Variants in MORC2 observed in about 807,000 individuals in gnomAD.
The protein encoded by MORC2 is MORC family CW-type zinc finger 2.
MORC2 carries 30 observed loss-of-function variants against 136.0 expected under a neutral mutation model. The observed-to-expected ratio is 0.22, with a 90% CI of 0.17 to 0.30. The LOEUF (loss-of-function observed/expected upper bound fraction) is 0.30, where lower values mean the gene tolerates loss of function less well. MORC2 is among the 10% of genes least tolerant of loss of function. The pLI, the probability that MORC2 is intolerant of heterozygous loss-of-function variation, is 1.00. For missense variants in MORC2, 922 were observed against 1,333.1 expected (o/e 0.69, Z 4.80); for synonymous variants, 439 against 487.0 (o/e 0.90, Z 1.30).
rs1237087672 is a variant in MORC2 at position 30,937,245 on chromosome 22, C to G, written c.1499-208G>C. On this transcript the variant is annotated intron_variant, in intron 15 of 25. Coordinates refer to ENST00000397641, the MANE Select transcript of MORC2 (RefSeq NM_001303256.3). The surrounding 1 kb of genome is among the most constrained non-coding windows in gnomAD (Gnocchi z 4.7). ...GGATGGAAACTTAATATGCTGGACT[C>G]TTAACACCCCCAGCCCCTCTCCCTT... 6.6e-6 allele frequency among the ~76,000 whole-genome samples: 1 copy of G among 152,176 alleles called. No homozygotes were observed. The highest frequency in any genetic ancestry group is 1.5e-5 in the Non-Finnish European group (1 of 68,038).
At chr22:30,960,167 A>G (rs896500141) in intron 1 of MORC2, among the ~76,000 whole-genome samples, 5 of 152,138 alleles carry the variant, frequency 3.3e-5, no homozygotes, top group Non-Finnish European at 5.9e-5. Context: ...AGGTTTCACC[A>G]TGTTGGCCAG....
At chr22:30,963,359 A>G in intron 1 of MORC2, 1 of 976,734 alleles carries the variant, frequency 1.0e-6, no homozygotes, top group Non-Finnish European at 1.2e-6. Context: ...AGATTTTTTG[A>G]AAATTCGTTC....
At chr22:30,946,064 T>G (rs1569197220) in intron 6 of MORC2, among the ~76,000 whole-genome samples, 1 of 152,196 alleles carries the variant, frequency 6.6e-6, no homozygotes, top group Non-Finnish European at 1.5e-5. Context: ...CTAGAGGAGC[T>G]GCAAATCCAA....
chr22:30,959,401 G>A (rs1602510991), intron 1 of MORC2, among the ~76,000 whole-genome samples: 2 of 152,342 alleles, frequency 1.3e-5, no homozygotes, highest in East Asian at 3.9e-4. Flanking sequence ...ATCTGAGAAA[G>A]TCATAAAATG....
rs1346319021 is a variant in MORC2 at position 30,932,616 on chromosome 22, G to A, written c.2676C>T (p.Leu892=). ...AVAEPSTSEC[L]RIEPDTTALS... ...GGGCAGTGGTGTCAGGCTCAATGCG[G>A]AGGCATTCGGAAGTGGAGGGCTCTG... is the stretch of plus-strand genomic sequence containing the variant. The change falls in exon 23 of 26, where the codon CTC becomes CTT. Residue 892 remains leucine (L), a synonymous_variant. Coordinates refer to ENST00000397641, the MANE Select transcript of MORC2 (RefSeq NM_001303256.3). This position sits in a 1 kb window ranked among gnomAD's most constrained non-coding sequence, Gnocchi z 4.4. 1 of 1,614,208 alleles carries A rather than the reference G, an allele frequency of 6.2e-7. No homozygotes were observed. The highest frequency in any genetic ancestry group is 8.5e-7 in the Non-Finnish European group (1 of 1,180,050).
intron 24 of MORC2, among the ~76,000 whole-genome samples, chr22:30,931,583 G>A (rs1284246533): frequency 6.6e-6 from 1 of 152,144 alleles, no homozygotes; most frequent in Non-Finnish European, 1.5e-5. Context: ...ACAGCCTGTT[G>A]CCTGGACCCC....
intron 5 of MORC2, among the ~76,000 whole-genome samples, chr22:30,947,293 C>G (rs1345687392): frequency 6.6e-6 from 1 of 152,224 alleles, no homozygotes; most frequent in African/African-American, 2.4e-5. Flanking sequence ...CTCTGTTTGG[C>G]CACATTAAGC....
intron 3 of MORC2, among the ~76,000 whole-genome samples, chr22:30,953,016 G>A (rs945495973): frequency 7.2e-5 from 11 of 152,192 alleles, no homozygotes; most frequent in African/African-American, 1.9e-4. Flanking sequence ...TGGGGCATTC[G>A]CATTTCTAAC....
At chr22:30,949,545 T>C (rs2040860926) in intron 5 of MORC2, among the ~76,000 whole-genome samples, 1 of 152,242 alleles carries the variant, frequency 6.6e-6, no homozygotes, top group African/African-American at 2.4e-5. Flanking sequence ...GCCCTGTTTT[T>C]GGATGTTCAT....
intron 24 of MORC2, 92 bp from the exon 25 acceptor site, chr22:30,928,299 A>C: frequency 7.9e-7 from 1 of 1,262,802 alleles, no homozygotes; most frequent in Non-Finnish European, 1.1e-6. Context: ...AGCCCGCTTT[A>C]CCCAAGGATG....
At chr22:30,956,106 A>G (rs1012814373) in intron 3 of MORC2, among the ~76,000 whole-genome samples, 2 of 152,234 alleles carry the variant, frequency 1.3e-5, no homozygotes, top group African/African-American at 4.8e-5. Flanking sequence ...CCAGGCAGAA[A>G]GCAAACTATT....
rs1378037460 is a variant in MORC2 at position 30,941,261 on chromosome 22, T to C, written c.824+172A>G. ...GCCACCTCCACAGCTGATCTGTCCC[T>C]CCTCTAGGACCCAGAACTGACCCTG... On this transcript the variant is annotated intron_variant, in intron 9 of 25. Transcript: ENST00000397641. This position sits in a 1 kb window ranked among gnomAD's most constrained non-coding sequence, Gnocchi z 4.6. Among the ~76,000 whole-genome samples, 3 of 152,152 alleles carry C rather than the reference T, an allele frequency of 2.0e-5. No homozygotes were observed. Among genetic ancestry groups the C allele is most frequent in the Non-Finnish European group, 2.9e-5 (2 of 68,024 alleles).
At chr22:30,958,562 A>G (rs998868800) in intron 2 of MORC2, 79 bp downstream of exon 2, 5 of 1,156,762 alleles carry the variant, frequency 4.3e-6, no homozygotes, top group Non-Finnish European at 6.2e-6. Flanking sequence ...CTTCCTCTCA[A>G]GTCTTCAGAG....
rs1374591623 is a variant in MORC2 at position 30,934,090 on chromosome 22, A to G, written c.2295T>C (p.Val765=). The stretch of plus-strand genomic sequence containing the variant: ...TCGAGTCCTTCTTTTCCTCCTTCAC[A>G]ACAAATCTGCCCCGCTTGCACCTCT... ...RKERCKRGRF[V]VKEEKKDSNE... Residue 765 remains valine, a synonymous_variant, in exon 20 of 26, where the codon GTT becomes GTC. Coordinates refer to ENST00000397641, the MANE Select transcript of MORC2 (RefSeq NM_001303256.3). The surrounding 1 kb of genome is among the most constrained non-coding windows in gnomAD (Gnocchi z 4.4). The G allele has an allele frequency of 1.2e-6, 2 of 1,613,960 alleles. No individual in the cohort carries two copies. Among genetic ancestry groups the G allele is most frequent in the South Asian group, 1.1e-5 (1 of 91,074 alleles).
At chr22:30,926,913 T>C (rs755193141) in intron 25 of MORC2, 42 bp from the exon 26 acceptor site, 15 of 1,555,848 alleles carry the variant, frequency 9.6e-6, no homozygotes, top group Non-Finnish European at 1.2e-5. Flanking sequence ...GGCCAGAAAG[T>C]GATTGGGGGG....
In MORC2 at chr22:30,935,334, A is replaced by T. The variant is rs561770621; in HGVS notation, c.1738-12T>A. 10 of 1,612,404 alleles carry T rather than the reference A, an allele frequency of 6.2e-6. No individual in the cohort carries two copies. Among genetic ancestry groups the T allele is most frequent in the Non-Finnish European group, 8.5e-6 (10 of 1,179,042 alleles). Reference sequence around the variant, plus strand: ...ATGGGTGTGGTTTTCTGCAAGGCAAACATCATGATGAAGTTGTTTGCATAT... The same window carrying T: ...ATGGGTGTGGTTTTCTGCAAGGCAATCATCATGATGAAGTTGTTTGCATAT... On this transcript the variant is annotated splice_polypyrimidine_tract_variant and intron_variant, in intron 17 of 25. Transcript: ENST00000397641.
intron 3 of MORC2, 72 bp from the exon 4 acceptor site, chr22:30,950,517 G>A: frequency 7.0e-7 from 1 of 1,435,218 alleles, no homozygotes; most frequent in South Asian, 1.2e-5. Context: ...TGATCAGAAG[G>A]CAGATCAATG....
At chr22:30,944,406 G>GGTAC (rs2040785931) in intron 6 of MORC2, among the ~76,000 whole-genome samples, 1 of 152,152 alleles carries the variant, frequency 6.6e-6, no homozygotes, top group African/African-American at 2.4e-5. Context: ...TTAGTTCAAT[G>GGTAC]GTACACTTGC....
At chr22:30,928,628 TCTTTCCAC>T (rs1420271678) in intron 24 of MORC2, among the ~76,000 whole-genome samples, 1 of 152,238 alleles carries the variant, frequency 6.6e-6, no homozygotes, top group African/African-American at 2.4e-5. Context: ...ATGTCAGTTC[TCTTTCCAC>T]CTACCAACCA....
Sources: allele counts gnomAD v4.1 joint callset (sites outside exome capture counted in the v4.1 genomes callset), GRCh38; gene constraint gnomAD v4.1.1; non-coding constraint Gnocchi (gnomAD v3.1); transcripts MANE v1.5; gene names NCBI Gene and HGNC (gene_info 2026-07-23, HGNC 2026-07-21).